NKAIN2: variants seen among roughly 807,000 people sequenced by gnomAD.
The protein encoded by NKAIN2 is sodium/potassium-transporting ATPase subunit beta-1-interacting protein 2.
A neutral mutation model predicts 32.6 loss-of-function variants in NKAIN2; 14 were observed. That is an observed-to-expected ratio of 0.43 (90% CI 0.28 to 0.67). NKAIN2 has a LOEUF of 0.67. Ranked by LOEUF, NKAIN2 falls within the 30% of genes least tolerant of loss-of-function variation. The pLI is 0.17. For missense variants in NKAIN2, 198 were observed against 258.3 expected, an observed-to-expected ratio of 0.77 and a Z score of 1.60; for synonymous variants, 80 against 87.2, an observed-to-expected ratio of 0.92 and a Z score of 0.46.
chr6:124,288,245 C>T (rs1323050470), intron 2 of NKAIN2, among the ~76,000 whole-genome samples: 1 of 152,186 alleles, frequency 6.6e-6, no homozygotes, highest in Non-Finnish European at 1.5e-5. Flanking sequence ...AGGAGGTTGA[C>T]ACAGGTTCTC....
chr6:124,730,495 C>T lies in NKAIN2; in HGVS notation c.475-60844C>T, dbSNP rs1221079797. 2.1e-3 allele frequency among the ~76,000 whole-genome samples: 252 copies of T among 120,706 alleles called. 1 individual carries two copies. Among genetic ancestry groups the T allele is most frequent in the African/African-American group, 7.6e-3 (241 of 31,544 alleles). 79.2% of individuals were successfully genotyped at this position (120,706 alleles called of 152,430 possible). On this transcript the variant is annotated intron_variant, in intron 4 of 6. Coordinates refer to ENST00000368417, the MANE Select transcript of NKAIN2 (RefSeq NM_001040214.3). ...TATTTAATAAATGGTGCTGGGAAAA[C>T]TGGCTAGCCATATGGAGAAAGCTGA...
At chr6:124,507,865 T>C (rs755812347) in intron 3 of NKAIN2, among the ~76,000 whole-genome samples, 32 of 152,222 alleles carry the variant, frequency 2.1e-4, no homozygotes, top group Middle Eastern at 3.4e-3. Flanking sequence ...ATTCAAGGGC[T>C]CCACTCTTAA....
At chr6:124,472,362 T>C (rs966741903) in intron 3 of NKAIN2, among the ~76,000 whole-genome samples, 4 of 152,158 alleles carry the variant, frequency 2.6e-5, no homozygotes, top group African/African-American at 9.7e-5. Flanking sequence ...AAGCACCACA[T>C]AGTATATAGA....
At chr6:124,565,392 C>G (rs1780871093) in intron 3 of NKAIN2, among the ~76,000 whole-genome samples, 1 of 152,036 alleles carries the variant, frequency 6.6e-6, no homozygotes, top group African/African-American at 2.4e-5. Flanking sequence ...TATGAGAGGG[C>G]AAAATATAAT....
intron 3 of NKAIN2, among the ~76,000 whole-genome samples, chr6:124,629,828 C>A (rs963459170): frequency 1.3e-5 from 2 of 152,054 alleles, no homozygotes; most frequent in Non-Finnish European, 2.9e-5. Context: ...ATTAACTTGA[C>A]AAATGTCAAT....
At chr6:124,472,529 GGGGA>G (rs1199187021) in intron 3 of NKAIN2, among the ~76,000 whole-genome samples, 1 of 151,984 alleles carries the variant, frequency 6.6e-6, no homozygotes, top group Admixed American at 6.6e-5. Flanking sequence ...ACCAGGAAAC[GGGGA>G]GGAAGAATTT....
intron 1 of NKAIN2, among the ~76,000 whole-genome samples, chr6:124,250,716 G>C (rs573706021): frequency 1.8e-4 from 28 of 152,106 alleles, no homozygotes; most frequent in African/African-American, 6.3e-4. Context: ...AAAGGAATAT[G>C]ATTGCAACTG....
intron 3 of NKAIN2, among the ~76,000 whole-genome samples, chr6:124,463,548 C>T (rs1003759481): frequency 2.0e-5 from 3 of 152,056 alleles, no homozygotes; most frequent in Non-Finnish European, 4.4e-5. Flanking sequence ...GTTCTACCAC[C>T]TTCTACTCCA....
chr6:124,169,696 T>C (rs1269253804), intron 1 of NKAIN2, among the ~76,000 whole-genome samples: 3 of 152,146 alleles, frequency 2.0e-5, no homozygotes, highest in Admixed American at 1.3e-4. Flanking sequence ...ATGTTTTTTT[T>C]CTCCATGCAC....
intron 3 of NKAIN2, among the ~76,000 whole-genome samples, chr6:124,441,946 T>C (rs1366294504): frequency 6.6e-6 from 1 of 150,746 alleles, no homozygotes; most frequent in Non-Finnish European, 1.5e-5. Flanking sequence ...AACTAGATAA[T>C]TTTTGTAAAT....
chr6:124,382,383 A>G (rs1772685150), intron 3 of NKAIN2, among the ~76,000 whole-genome samples: 1 of 152,160 alleles, frequency 6.6e-6, no homozygotes, highest in South Asian at 2.1e-4. Flanking sequence ...AGGCACCTAG[A>G]CAAATTGAAA....
intron 4 of NKAIN2, among the ~76,000 whole-genome samples, chr6:124,746,549 G>A (rs1777460894): frequency 6.6e-6 from 1 of 151,778 alleles, no homozygotes; most frequent in Admixed American, 6.6e-5. Context: ...AGAAGAGAAT[G>A]TCAAATTATC....
At chr6:124,253,769 A>AT (rs1372255818) in intron 1 of NKAIN2, among the ~76,000 whole-genome samples, 2 of 150,400 alleles carry the variant, frequency 1.3e-5, no homozygotes, top group Non-Finnish European at 3.0e-5. Context: ...TGACTCAGAA[A>AT]TTGTCTTTTC....
At chr6:124,341,216 A>G (rs1448501885) in intron 2 of NKAIN2, among the ~76,000 whole-genome samples, 1 of 152,216 alleles carries the variant, frequency 6.6e-6, no homozygotes, top group Admixed American at 6.5e-5. Flanking sequence ...CAAGAAAATG[A>G]CAAAAAGCTA....
At chr6:123,929,655 G>A (rs1203388488) in intron 1 of NKAIN2, among the ~76,000 whole-genome samples, 1 of 151,998 alleles carries the variant, frequency 6.6e-6, no homozygotes, top group Non-Finnish European at 1.5e-5. Flanking sequence ...TTTCCAGTTG[G>A]CATAGTGAAA....
intron 3 of NKAIN2, among the ~76,000 whole-genome samples, chr6:124,568,249 A>G (rs1281184827): frequency 1.3e-5 from 2 of 152,212 alleles, no homozygotes; most frequent in African/African-American, 4.8e-5. Flanking sequence ...ATTGAAACCA[A>G]TAATTCAATC....
intron 1 of NKAIN2, among the ~76,000 whole-genome samples, chr6:123,870,094 A>T (rs1772790409): frequency 6.6e-6 from 1 of 152,078 alleles, no homozygotes; most frequent in Non-Finnish European, 1.5e-5. Flanking sequence ...TTATTTTTTT[A>T]CTCTGTGTGC....
chr6:124,417,865 A>T (rs1289871151), intron 3 of NKAIN2, among the ~76,000 whole-genome samples: 1 of 152,194 alleles, frequency 6.6e-6, no homozygotes, highest in African/African-American at 2.4e-5. Flanking sequence ...ATTACAAGAC[A>T]TCCTGGTGGA....
At chr6:123,932,406 CTTTTTTTTTTTTTTTTT>C (rs57063550) in intron 1 of NKAIN2, among the ~76,000 whole-genome samples, 4 of 104,382 alleles carry the variant, frequency 3.8e-5, no homozygotes. Flanking sequence ...TTCTGTCTTT[CTTTTTTTTTTTTTTTTT>C]TTTTTTTTTT....
Sources: gnomAD v4.1 joint callset for allele counts (sites outside exome capture counted in the v4.1 genomes callset) on GRCh38, gnomAD v4.1.1 for gene constraint, MANE v1.5 for transcripts, NCBI Gene and HGNC (gene_info 2026-07-23, HGNC 2026-07-21) for gene names.